ME2: variants seen among roughly 807,000 people sequenced by gnomAD.
ME2 encodes the protein malic enzyme 2.
ME2 carries 60 observed loss-of-function variants against 73.7 expected under a neutral mutation model. The observed-to-expected ratio is 0.81, with a 90% confidence interval of 0.66 to 1.01. The LOEUF is 1.01. ME2 is among the 50% of genes least tolerant of loss of function. The pLI is 0.00. For synonymous variants in ME2, 199 were observed against 236.9 expected (o/e 0.84, Z 1.47); for missense variants, 594 against 705.5 (o/e 0.84, Z 1.79).
rs760460172 is a variant in ME2 at position 50,925,774 on chromosome 18, G to A, written c.1190G>A (p.Arg397His). 21 of 1,613,612 alleles carry A rather than the reference G, an allele frequency of 1.3e-5. No homozygotes were observed. The highest frequency in any genetic ancestry group is 1.0e-4 in the Admixed American group (6 of 59,962). Residue 397 changes from arginine (R) to histidine (H), a missense_variant, in exon 12 of 16, where the codon CGT (arginine) becomes CAT (histidine). By Grantham distance (29) the Arg-to-His change is conservative (BLOSUM62 0). Coordinates refer to ENST00000321341, the MANE Select transcript of ME2 (RefSeq NM_002396.5). The part of the protein sequence containing the change: ...STIIGVAGAG[R>H]LFTPDVIRAM... ...ATTACAGGAGTTGCAGGTGCTGGCC[G>A]TCTTTTCACTCCTGATGTAATCAGA...
chr18:50,950,406 T>C lies in ME2; in HGVS notation c.*3222T>C, dbSNP rs1918195612. ...CCTTAAAGCAGGCAGCAGAATCTTT[T>C]GGAGAACTAACAAGATTCTGATGCT... is the stretch of plus-strand genomic sequence containing the variant. On this transcript the variant is annotated 3_prime_UTR_variant, in exon 16 of 16. Transcript: ENST00000321341. 1 of 148,646 alleles carries C rather than the reference T, an allele frequency of 6.7e-6. No individual in the cohort carries two copies. The highest frequency in any genetic ancestry group is 2.5e-5 in the African/African-American group (1 of 40,512). The allele number at this position is 148,646 out of a possible 1,614,324, so 9.2% of individuals were successfully genotyped here.
intron 13 of ME2, chr18:50,934,530 C>T (rs985996033): frequency 2.6e-5 from 4 of 151,994 alleles, no homozygotes; most frequent in Non-Finnish European, 5.9e-5. Flanking sequence ...CACCCCTATT[C>T]CCAGCTAGTC....
intron 13 of ME2, among the ~76,000 whole-genome samples, chr18:50,937,057 A>G (rs1403619956): frequency 6.6e-6 from 1 of 152,226 alleles, no homozygotes; most frequent in African/African-American, 2.4e-5. Flanking sequence ...TGAAACAACA[A>G]AAATCCGAAA....
At chr18:50,920,795 C>A in intron 9 of ME2, 37 bp downstream of exon 9, 1 of 1,453,396 alleles carries the variant, frequency 6.9e-7, no homozygotes, top group Non-Finnish European at 9.5e-7. Context: ...TAAGCCTATC[C>A]TCTCTTATAG....
In ME2 at chr18:50,949,688, A is replaced by C. The variant is rs1301287106; in HGVS notation, c.*2504A>C. ...AATTTTACTACGAAGTTTGCTTATTAAGTATGCCTGGTACAGTCTTCATGG... is the reference window on the plus strand; with the variant it reads ...AATTTTACTACGAAGTTTGCTTATTCAGTATGCCTGGTACAGTCTTCATGG... On this transcript the variant is annotated 3_prime_UTR_variant, in exon 16 of 16. Coordinates refer to ENST00000321341, the MANE Select transcript of ME2 (RefSeq NM_002396.5). 1.3e-5 allele frequency: 2 copies of C among 152,236 alleles called. No homozygotes were observed. The highest frequency in any genetic ancestry group is 2.9e-5 in the Non-Finnish European group (2 of 68,030). 9.4% of individuals were successfully genotyped at this position (152,236 alleles called of 1,614,324 possible).
chr18:50,919,037 T>A (rs1266435303), intron 7 of ME2, among the ~76,000 whole-genome samples: 1 of 141,802 alleles, frequency 7.1e-6, no homozygotes, highest in Non-Finnish European at 1.5e-5. Flanking sequence ...GTGTTATCTT[T>A]GACTCTTCTG....
intron 2 of ME2, among the ~76,000 whole-genome samples, chr18:50,897,892 G>A (rs1916788758): frequency 6.6e-6 from 1 of 151,632 alleles, no homozygotes; most frequent in African/African-American, 2.4e-5. Flanking sequence ...AGAAAAAAAA[G>A]AATGTCTAAC....
intron 2 of ME2, among the ~76,000 whole-genome samples, chr18:50,899,081 C>T (rs1916823867): frequency 6.6e-6 from 1 of 152,190 alleles, no homozygotes; most frequent in Non-Finnish European, 1.5e-5. Context: ...CTCCTCATGG[C>T]TTGCATTACC....
intron 3 of ME2, among the ~76,000 whole-genome samples, chr18:50,909,378 A>G (rs1411868159): frequency 1.3e-5 from 2 of 152,182 alleles, no homozygotes; most frequent in South Asian, 2.1e-4. Context: ...GTACAGTACA[A>G]TGAGAAAAAG....
At chr18:50,913,802 C>CA (rs1425513881) in intron 4 of ME2, among the ~76,000 whole-genome samples, 1 of 149,022 alleles carries the variant, frequency 6.7e-6, no homozygotes, top group Non-Finnish European at 1.5e-5. Context: ...CAGGACCTAT[C>CA]AAAGAGCTAT....
intron 1 of ME2, among the ~76,000 whole-genome samples, chr18:50,886,899 G>A (rs1193523678): frequency 6.6e-6 from 1 of 152,146 alleles, no homozygotes. Context: ...CTACTCAGGA[G>A]GCTGAGGCAG....
At chr18:50,920,622 C>G (rs548293496) in intron 8 of ME2, 39 bp from the exon 9 acceptor site, 45 of 1,573,546 alleles carry the variant, frequency 2.9e-5, no homozygotes, top group Admixed American at 8.0e-5. Context: ...TTTTAATGTG[C>G]CCATTTTTTA....
intron 3 of ME2, among the ~76,000 whole-genome samples, chr18:50,909,268 A>T (rs1917091569): frequency 6.6e-6 from 1 of 152,148 alleles, no homozygotes; most frequent in Non-Finnish European, 1.5e-5. Context: ...CAGGCAGCAA[A>T]CTTAATATAT....
chr18:50,882,405 T>A (rs1916346009), intron 1 of ME2, among the ~76,000 whole-genome samples: 1 of 152,172 alleles, frequency 6.6e-6, no homozygotes, highest in Non-Finnish European at 1.5e-5. Context: ...CTCTTTATAG[T>A]GATGCTATTG....
chr18:50,881,190 G>T (rs749311326), intron 1 of ME2, among the ~76,000 whole-genome samples: 1 of 152,062 alleles, frequency 6.6e-6, no homozygotes, highest in African/African-American at 2.4e-5. Context: ...CACCATGCCC[G>T]GCTAATTTGT....
intron 4 of ME2, among the ~76,000 whole-genome samples, chr18:50,913,660 A>T (rs1018880199): frequency 5.9e-5 from 9 of 151,918 alleles, no homozygotes; most frequent in Non-Finnish European, 1.2e-4. Flanking sequence ...ATGAATTTTC[A>T]TTCCAAATAG....
At chr18:50,931,461 A>G (rs1257962222) in intron 12 of ME2, among the ~76,000 whole-genome samples, 1 of 152,238 alleles carries the variant, frequency 6.6e-6, no homozygotes, top group Non-Finnish European at 1.5e-5. Flanking sequence ...ATTTTTTAAA[A>G]TTAGTGAAAT....
At chr18:50,888,579 TTTAAA>T (rs1310688831) in intron 1 of ME2, among the ~76,000 whole-genome samples, 1 of 152,042 alleles carries the variant, frequency 6.6e-6, no homozygotes, top group Non-Finnish European at 1.5e-5. Flanking sequence ...TTTTTTTTCA[TTTAAA>T]TTAAGATATT....
rs1918110268 is a variant in ME2, at chr18:50,947,354, T to C, written c.*170T>C. 1 of 611,472 alleles carries C rather than the reference T, an allele frequency of 1.6e-6. No homozygotes were observed. The highest frequency in any genetic ancestry group is 2.8e-6 in the Non-Finnish European group (1 of 352,146). The allele number at this position is 611,472 out of a possible 1,614,324, so 37.9% of individuals were successfully genotyped here. On this transcript the variant is annotated 3_prime_UTR_variant, in exon 16 of 16. Transcript: ENST00000321341. ...ACATCTGTTGGGGTAGACGTGTTGA[T>C]TGATTGCATTGCCCACCAGCACCCT... is the stretch of plus-strand genomic sequence containing the variant.
Sources: allele counts gnomAD v4.1 joint callset (sites outside exome capture counted in the v4.1 genomes callset), GRCh38; gene constraint gnomAD v4.1.1; transcripts MANE v1.5; gene names NCBI Gene and HGNC (gene_info 2026-07-23, HGNC 2026-07-21).